Variants in KHDRBS2 observed in about 807,000 individuals in gnomAD.
KHDRBS2 encodes the protein KH RNA binding domain containing, signal transduction associated 2, also known as KH domain-containing, RNA-binding, signal transduction-associated protein 2.
A neutral mutation model predicts 44.3 loss-of-function variants in KHDRBS2; 26 were observed. The ratio of observed to expected loss-of-function variants is 0.59; its 90% CI spans 0.43 to 0.81. The LOEUF is 0.81. KHDRBS2 is among the 40% of genes least tolerant of loss of function. KHDRBS2 has a pLI of 0.00. For synonymous variants in KHDRBS2, 194 were observed against 151.1 expected, an observed-to-expected ratio of 1.28 and a Z score of -2.08; for missense variants, 476 against 433.1, an observed-to-expected ratio of 1.10 and a Z score of -0.88.
chr6:61,594,055 C>G, the KHDRBS2 span, among the ~76,000 whole-genome samples: 3 of 151,972 alleles, frequency 2.0e-5, no homozygotes, highest in Non-Finnish European at 4.4e-5. Context: ...AATATGTATA[C>G]TGCCATAAAA....
chr6:61,795,307 T>G (rs1314373882), intron 6 of KHDRBS2, among the ~76,000 whole-genome samples: 1 of 152,068 alleles, frequency 6.6e-6, no homozygotes, highest in Non-Finnish European at 1.5e-5. Flanking sequence ...TGAATTATTG[T>G]GTATGGCTTA....
At chr6:61,753,364 G>A (rs993559746) in intron 6 of KHDRBS2, among the ~76,000 whole-genome samples, 3 of 152,092 alleles carry the variant, frequency 2.0e-5, no homozygotes, top group South Asian at 2.1e-4. Flanking sequence ...ATTAGCTTAG[G>A]TCACAGGACT....
intron 6 of KHDRBS2, among the ~76,000 whole-genome samples, chr6:61,846,364 G>A (rs999928623): frequency 1.3e-5 from 2 of 152,126 alleles, no homozygotes; most frequent in Non-Finnish European, 2.9e-5. Context: ...AACCACAGTT[G>A]CTACCTTTAC....
intron 4 of KHDRBS2, among the ~76,000 whole-genome samples, chr6:61,968,906 G>A (rs1285352914): frequency 6.6e-6 from 1 of 151,848 alleles, no homozygotes; most frequent in Non-Finnish European, 1.5e-5. Context: ...GGAGCTCTGT[G>A]GCTTCTGAGA....
At chr6:62,076,256 C>A (rs1013120351) in intron 2 of KHDRBS2, among the ~76,000 whole-genome samples, 1 of 151,908 alleles carries the variant, frequency 6.6e-6, no homozygotes, top group Non-Finnish European at 1.5e-5. Context: ...TCAGGTTGTG[C>A]CAGCAAATGT....
intron 8 of KHDRBS2, among the ~76,000 whole-genome samples, chr6:61,687,678 T>C (rs1766971154): frequency 6.6e-6 from 1 of 151,888 alleles, no homozygotes; most frequent in African/African-American, 2.4e-5. Flanking sequence ...CCAATTTACT[T>C]TATGTATATA....
intron 2 of KHDRBS2, among the ~76,000 whole-genome samples, chr6:62,080,056 T>G (rs1386965921): frequency 6.6e-6 from 1 of 151,978 alleles, no homozygotes; most frequent in Admixed American, 6.6e-5. Context: ...AAATGCAAAT[T>G]TAAATTGTAA....
intron 6 of KHDRBS2, among the ~76,000 whole-genome samples, chr6:61,844,764 A>G (rs1489863362): frequency 6.6e-6 from 1 of 152,200 alleles, no homozygotes; most frequent in Non-Finnish European, 1.5e-5. Flanking sequence ...TTCTTCTGAA[A>G]TCATGTAAAG....
chr6:61,619,052 TA>T, the KHDRBS2 span, among the ~76,000 whole-genome samples: 7 of 152,316 alleles, frequency 4.6e-5, no homozygotes, highest in East Asian at 9.6e-4. Flanking sequence ...TAGGCCATTT[TA>T]AAAAATAATA....
At chr6:61,953,570 TG>T (rs1183925508) in intron 4 of KHDRBS2, among the ~76,000 whole-genome samples, 2 of 152,020 alleles carry the variant, frequency 1.3e-5, no homozygotes, top group Non-Finnish European at 2.9e-5. Context: ...AGCCACAGAC[TG>T]AAAAAGCAGG....
At chr6:61,658,234 A>T in the KHDRBS2 span, among the ~76,000 whole-genome samples, 34 of 151,890 alleles carry the variant, frequency 2.2e-4, no homozygotes, top group South Asian at 7.0e-3. Flanking sequence ...TTCAAACCTG[A>T]TTTTCATATA....
At chr6:61,924,918 C>T (rs1449556219) in intron 4 of KHDRBS2, among the ~76,000 whole-genome samples, 2 of 152,010 alleles carry the variant, frequency 1.3e-5, no homozygotes, top group African/African-American at 2.4e-5. Flanking sequence ...TTTGGCTTTA[C>T]GTTTGTAATT....
chr6:61,559,894 A>C, the KHDRBS2 span, among the ~76,000 whole-genome samples: 1 of 152,160 alleles, frequency 6.6e-6, no homozygotes, highest in Non-Finnish European at 1.5e-5. Flanking sequence ...CTGTGTTTAC[A>C]GTTAACAGTG....
intron 2 of KHDRBS2, among the ~76,000 whole-genome samples, chr6:62,050,253 T>C (rs1788689730): frequency 6.6e-6 from 1 of 152,070 alleles, no homozygotes; most frequent in Non-Finnish European, 1.5e-5. Context: ...TGAGAATACA[T>C]GCACGCAGGG....
At chr6:62,223,760 A>G (rs1831291122) in intron 1 of KHDRBS2, among the ~76,000 whole-genome samples, 1 of 152,188 alleles carries the variant, frequency 6.6e-6, no homozygotes, top group South Asian at 2.1e-4. Flanking sequence ...AAATGCCACC[A>G]GTCTCTTTGC....
At chr6:61,606,595 G>T in the KHDRBS2 span, among the ~76,000 whole-genome samples, 1,560 of 152,216 alleles carry the variant, frequency 0.01, 11 homozygotes, top group Non-Finnish European at 0.016. Context: ...GGTAAGAATG[G>T]GGGCTTAGAG....
intron 3 of KHDRBS2, among the ~76,000 whole-genome samples, chr6:62,015,161 C>A (rs565958927): frequency 6.6e-6 from 1 of 152,168 alleles, no homozygotes; most frequent in African/African-American, 2.4e-5. Context: ...ATCATTATAT[C>A]ACTGGTTCAA....
intron 6 of KHDRBS2, among the ~76,000 whole-genome samples, chr6:61,886,069 AC>A (rs1469295835): frequency 6.6e-6 from 1 of 152,078 alleles, no homozygotes; most frequent in African/African-American, 2.4e-5. Flanking sequence ...AGTCAGTCTC[AC>A]TATTGTTAAT....
At chr6:62,155,019 C>A (rs536874691) in intron 2 of KHDRBS2, among the ~76,000 whole-genome samples, 38 of 152,106 alleles carry the variant, frequency 2.5e-4, no homozygotes, top group African/African-American at 8.7e-4. Flanking sequence ...AAAAATAAAT[C>A]AGAAAGAGAA....
Sources: gnomAD v4.1 joint callset for allele counts (sites outside exome capture counted in the v4.1 genomes callset) on GRCh38, gnomAD v4.1.1 for gene constraint, MANE v1.5 for transcripts, NCBI Gene and HGNC (gene_info 2026-07-23, HGNC 2026-07-21) for gene names.